The following EEFSEC variants were observed in gnomAD, a reference collection of about 807,000 sequenced individuals.
The protein encoded by EEFSEC is selenocysteine-specific elongation factor.
EEFSEC carries 43 observed loss-of-function variants against 42.1 expected under a neutral mutation model. The observed-to-expected ratio is 1.02, with a 90% CI of 0.80 to 1.32. The LOEUF (loss-of-function observed/expected upper bound fraction) is 1.32. Among genes scored for constraint, EEFSEC ranks in the 40% most tolerant of loss-of-function variants. The pLI is 0.00. For synonymous variants in EEFSEC, 354 were observed against 339.1 expected (o/e 1.04, Z -0.48); for missense variants, 745 against 803.6 (o/e 0.93, Z 0.88).
At chr3:128,187,606 A>G (rs898861688) in intron 1 of EEFSEC, among the ~76,000 whole-genome samples, 33 of 152,348 alleles carry the variant, frequency 2.2e-4, no homozygotes, top group African/African-American at 7.9e-4. Flanking sequence ...GACATTCTGA[A>G]TGTTAGGCAC....
chr3:128,369,673 A>G (rs1202234845), intron 6 of EEFSEC, among the ~76,000 whole-genome samples: 2 of 152,192 alleles, frequency 1.3e-5, no homozygotes, highest in Non-Finnish European at 2.9e-5. Flanking sequence ...ACCCTTTCTG[A>G]AAATCCCAGT....
At chr3:128,252,227 G>A (rs1180839342) in intron 2 of EEFSEC, among the ~76,000 whole-genome samples, 1 of 152,180 alleles carries the variant, frequency 6.6e-6, no homozygotes, top group Admixed American at 6.5e-5. Flanking sequence ...CTGTGAATGG[G>A]TTGAATGCCA....
At chr3:128,242,493 AC>A (rs1193529741) in intron 1 of EEFSEC, among the ~76,000 whole-genome samples, 1 of 151,950 alleles carries the variant, frequency 6.6e-6, no homozygotes, top group Non-Finnish European at 1.5e-5. Context: ...CATAGCTTTG[AC>A]TTTTTTAAAA....
chr3:128,386,887 C>T (rs2067845700), intron 6 of EEFSEC, among the ~76,000 whole-genome samples: 1 of 152,200 alleles, frequency 6.6e-6, no homozygotes, highest in South Asian at 2.1e-4. Context: ...TCTAACACCT[C>T]CCCCGAGGCC....
intron 6 of EEFSEC, among the ~76,000 whole-genome samples, chr3:128,365,221 G>C (rs1451067093): frequency 1.3e-5 from 2 of 152,218 alleles, no homozygotes; most frequent in East Asian, 3.8e-4. Context: ...AGGCCTGGGT[G>C]GGGAGGGGGC....
chr3:128,402,171 A>G (rs2068055757), intron 6 of EEFSEC, among the ~76,000 whole-genome samples: 1 of 152,184 alleles, frequency 6.6e-6, no homozygotes, highest in African/African-American at 2.4e-5. Context: ...GGAAATACAT[A>G]AAAGAAGAAA....
At chr3:128,246,582 C>T (rs1231314355) in intron 1 of EEFSEC, among the ~76,000 whole-genome samples, 1 of 152,190 alleles carries the variant, frequency 6.6e-6, no homozygotes, top group East Asian at 1.9e-4. Context: ...AAACCCAGCC[C>T]TATTGCGTGT....
chr3:128,229,517 A>G (rs1002071537), intron 1 of EEFSEC, among the ~76,000 whole-genome samples: 3 of 152,190 alleles, frequency 2.0e-5, no homozygotes, highest in Non-Finnish European at 4.4e-5. Flanking sequence ...CCCCAGGCAT[A>G]GCGGACTGAT....
chr3:128,154,860 G>T (rs542215589), intron 1 of EEFSEC, among the ~76,000 whole-genome samples: 3 of 152,274 alleles, frequency 2.0e-5, no homozygotes, highest in East Asian at 3.9e-4. Flanking sequence ...TGGTATGTTC[G>T]CATATATGTA....
chr3:128,361,719 G>GT (rs2067527534), intron 6 of EEFSEC, among the ~76,000 whole-genome samples: 2 of 152,216 alleles, frequency 1.3e-5, no homozygotes, highest in South Asian at 4.1e-4. Flanking sequence ...GGATCTCAAG[G>GT]TTGGAAAGCC....
intron 6 of EEFSEC, among the ~76,000 whole-genome samples, chr3:128,393,099 A>G (rs907203669): frequency 6.6e-6 from 1 of 152,212 alleles, no homozygotes; most frequent in Non-Finnish European, 1.5e-5. Context: ...AGGCTTCCAC[A>G]TACTTTGTTT....
intron 4 of EEFSEC, among the ~76,000 whole-genome samples, chr3:128,269,483 T>C (rs2066391962): frequency 1.3e-5 from 2 of 152,224 alleles, no homozygotes; most frequent in Admixed American, 1.3e-4. Context: ...CACCGGGACA[T>C]GGGGGGCCAT....
chr3:128,179,127 G>A (rs557044820), intron 1 of EEFSEC, among the ~76,000 whole-genome samples: 2 of 152,214 alleles, frequency 1.3e-5, no homozygotes, highest in Admixed American at 6.5e-5. Flanking sequence ...AAAATTAGCC[G>A]TTGATACTCT....
At chr3:128,390,201 A>G (rs1479181085) in intron 6 of EEFSEC, among the ~76,000 whole-genome samples, 6 of 152,242 alleles carry the variant, frequency 3.9e-5, no homozygotes, top group African/African-American at 1.4e-4. Context: ...GATTAACACA[A>G]AAGTGGGACT....
chr3:128,363,417 A>T (rs752215535), intron 6 of EEFSEC, among the ~76,000 whole-genome samples: 4 of 152,192 alleles, frequency 2.6e-5, no homozygotes, highest in Non-Finnish European at 4.4e-5. Context: ...CCACACCATG[A>T]TGCCTTATAG....
At chr3:128,288,388 T>C (rs1460002094) in intron 4 of EEFSEC, among the ~76,000 whole-genome samples, 1 of 152,186 alleles carries the variant, frequency 6.6e-6, no homozygotes, top group East Asian at 1.9e-4. Context: ...TAAATCCACA[T>C]ATAAGTCGTA....
intron 1 of EEFSEC, among the ~76,000 whole-genome samples, chr3:128,204,656 C>T (rs527995856): frequency 1.5e-4 from 23 of 152,168 alleles, no homozygotes; most frequent in African/African-American, 5.5e-4. Flanking sequence ...AGCATCTCCA[C>T]GTTCAAAGCC....
chr3:128,365,271 G>A (rs2067576793), intron 6 of EEFSEC, among the ~76,000 whole-genome samples: 1 of 152,200 alleles, frequency 6.6e-6, no homozygotes. Flanking sequence ...ACACCCAGTG[G>A]GACAACTCCT....
intron 1 of EEFSEC, chr3:128,154,058 TAAAAAAA>T (rs376181797): frequency 2.8e-5 from 8 of 289,434 alleles, no homozygotes; most frequent in South Asian, 8.2e-5. Flanking sequence ...GCGCCTTCCT[TAAAAAAA>T]AAAAAAAAAA....
Sources: allele counts gnomAD v4.1 joint callset (sites outside exome capture counted in the v4.1 genomes callset), GRCh38; gene constraint gnomAD v4.1.1; transcripts MANE v1.5; gene names NCBI Gene and HGNC (gene_info 2026-07-23, HGNC 2026-07-21).